The following GABRB3 variants were observed in gnomAD, a reference collection of about 807,000 sequenced individuals.
The protein encoded by GABRB3 is gamma-aminobutyric acid type A receptor subunit beta3, also known as gamma-aminobutyric acid receptor subunit beta-3.
A neutral mutation model predicts 52.1 loss-of-function variants in GABRB3; 14 were observed. That is an observed-to-expected ratio of 0.27 (90% CI 0.18 to 0.42). The LOEUF (loss-of-function observed/expected upper bound fraction) is 0.42, where lower values mean the gene tolerates loss of function less well. Ranked by LOEUF, GABRB3 falls within the 10% of genes least tolerant of loss-of-function variation. GABRB3 has a pLI of 1.00. For missense variants in GABRB3, 307 were observed against 609.1 expected (o/e 0.50, Z 5.22); for synonymous variants, 260 against 232.3 (o/e 1.12, Z -1.08).
At chr15:26,727,411 T>C (rs917199127) in intron 3 of GABRB3, among the ~76,000 whole-genome samples, 1 of 152,204 alleles carries the variant, frequency 6.6e-6, no homozygotes, top group African/African-American at 2.4e-5. Flanking sequence ...TACAAAATGA[T>C]GTCATTATTT....
At chr15:26,588,467 T>C (rs957948904) in intron 4 of GABRB3, among the ~76,000 whole-genome samples, 2 of 152,206 alleles carry the variant, frequency 1.3e-5, no homozygotes, top group Non-Finnish European at 2.9e-5. Context: ...AGTAAGCAGC[T>C]TGACCACGTT....
At chr15:26,584,648 C>A (rs549236575) in intron 4 of GABRB3, among the ~76,000 whole-genome samples, 1 of 152,198 alleles carries the variant, frequency 6.6e-6, no homozygotes, top group Non-Finnish European at 1.5e-5. Flanking sequence ...TTAAGCCAAC[C>A]CTACACTGAG....
chr15:26,689,732 G>A (rs532021743), intron 3 of GABRB3, among the ~76,000 whole-genome samples: 6 of 152,066 alleles, frequency 3.9e-5, no homozygotes, highest in African/African-American at 9.7e-5. Context: ...AATGCTGGCC[G>A]GTTGTTCTGC....
intron 3 of GABRB3, among the ~76,000 whole-genome samples, chr15:26,749,677 T>G (rs1448880458): frequency 6.6e-6 from 1 of 152,196 alleles, no homozygotes; most frequent in Non-Finnish European, 1.5e-5. Context: ...GGTGTTTGGC[T>G]GGAGTAGGGT....
chr15:26,594,160 T>A (rs1434848523), intron 4 of GABRB3, among the ~76,000 whole-genome samples: 1 of 151,456 alleles, frequency 6.6e-6, no homozygotes, highest in East Asian at 2.0e-4. Flanking sequence ...CTTACCTCTT[T>A]GAATAAAGAG....
chr15:26,670,963 C>T (rs1887880677), intron 3 of GABRB3, among the ~76,000 whole-genome samples: 1 of 152,152 alleles, frequency 6.6e-6, no homozygotes, highest in Non-Finnish European at 1.5e-5. Flanking sequence ...ATTACGGCAT[C>T]AACCTCCGGG....
At chr15:26,695,245 C>T (rs1033757205) in intron 3 of GABRB3, among the ~76,000 whole-genome samples, 10 of 151,776 alleles carry the variant, frequency 6.6e-5, no homozygotes, top group East Asian at 1.9e-4. Context: ...AACCAAGGAC[C>T]GAGAGAAGAT....
chr15:26,768,477 T>G (rs974344306), intron 3 of GABRB3, among the ~76,000 whole-genome samples: 1 of 152,168 alleles, frequency 6.6e-6, no homozygotes, highest in African/African-American at 2.4e-5. Flanking sequence ...AAATCCCTAA[T>G]TGTTTTGTTT....
intron 3 of GABRB3, among the ~76,000 whole-genome samples, chr15:26,763,572 TTTG>T (rs1662962857): frequency 6.7e-6 from 1 of 148,596 alleles, no homozygotes; most frequent in African/African-American, 2.5e-5. Flanking sequence ...CCGAATTGGT[TTTG>T]TTCTTTCACA....
chr15:26,761,601 T>TA (rs1182808641), intron 3 of GABRB3, among the ~76,000 whole-genome samples: 1 of 152,136 alleles, frequency 6.6e-6, no homozygotes, highest in African/African-American at 2.4e-5. Flanking sequence ...GTGTATATAA[T>TA]AGAATATATT....
chr15:26,629,574 G>GAC (rs1892853108), intron 3 of GABRB3, among the ~76,000 whole-genome samples: 1 of 152,148 alleles, frequency 6.6e-6, no homozygotes, highest in South Asian at 2.1e-4. Flanking sequence ...GGGCTGCGGA[G>GAC]ACACAGCCCC....
At chr15:26,724,147 A>G (rs1889711545) in intron 3 of GABRB3, among the ~76,000 whole-genome samples, 1 of 152,218 alleles carries the variant, frequency 6.6e-6, no homozygotes, top group Non-Finnish European at 1.5e-5. Context: ...CTCTTCTGCC[A>G]GGGAACATTC....
intron 6 of GABRB3, among the ~76,000 whole-genome samples, chr15:26,574,638 G>C (rs911073988): frequency 1.3e-5 from 2 of 152,124 alleles, no homozygotes; most frequent in African/African-American, 2.4e-5. Context: ...TGAAAGACCA[G>C]ACACGAAAGA....
chr15:26,562,918 CTCTTT>C (rs1469182961), intron 7 of GABRB3, among the ~76,000 whole-genome samples: 1 of 152,228 alleles, frequency 6.6e-6, no homozygotes, highest in Non-Finnish European at 1.5e-5. Context: ...TTTTAAGATT[CTCTTT>C]TAACATCACA....
chr15:26,730,275 G>A (rs1003903545), intron 3 of GABRB3, among the ~76,000 whole-genome samples: 7 of 151,314 alleles, frequency 4.6e-5, no homozygotes, highest in Admixed American at 2.0e-4. Flanking sequence ...ATGAATAGCC[G>A]GGCGTGGTAG....
Position 26,600,938 on chromosome 15 carries a change from A to G in GABRB3, c.462-17524T>C, listed in dbSNP as rs117641877. Among the ~76,000 whole-genome samples the G allele has an allele frequency of 1.9e-3, 295 of 152,316 alleles. 6 individuals are homozygous for G. In the East Asian group the frequency reaches 0.036, roughly 19 times the overall value. On this transcript the variant is annotated intron_variant, in intron 4 of 8. Transcript: ENST00000311550. ...GCTACCATAAATTGTCAGGGAAAACACATCACGAAATGAGGTAAATTCTGA... is the reference window on the plus strand; with the variant it reads ...GCTACCATAAATTGTCAGGGAAAACGCATCACGAAATGAGGTAAATTCTGA...
intron 3 of GABRB3, among the ~76,000 whole-genome samples, chr15:26,702,406 G>T (rs945725420): frequency 6.6e-6 from 1 of 152,144 alleles, no homozygotes; most frequent in Non-Finnish European, 1.5e-5. Context: ...TAAGATAATG[G>T]GTAAAAGAGT....
chr15:26,582,243 CTG>C (rs1379018662), intron 5 of GABRB3, among the ~76,000 whole-genome samples: 1 of 152,226 alleles, frequency 6.6e-6, no homozygotes, highest in Non-Finnish European at 1.5e-5. Context: ...GAGTCATGCA[CTG>C]TGTGACTTGA....
intron 3 of GABRB3, among the ~76,000 whole-genome samples, chr15:26,675,535 A>G (rs1045259032): frequency 4.6e-5 from 7 of 152,192 alleles, no homozygotes; most frequent in Non-Finnish European, 1.0e-4. Context: ...AATAAGGCAG[A>G]CTTTATTCAG....
Sources: allele counts gnomAD v4.1 joint callset (sites outside exome capture counted in the v4.1 genomes callset), GRCh38; gene constraint gnomAD v4.1.1; transcripts MANE v1.5; gene names NCBI Gene and HGNC (gene_info 2026-07-23, HGNC 2026-07-21).